Variants in RAB12 observed in about 807,000 individuals in gnomAD.
RAB12 encodes RAB12, member RAS oncogene family.
A neutral mutation model predicts 28.4 loss-of-function variants in RAB12; 11 were observed. The observed-to-expected ratio is 0.39, with a 90% CI of 0.24 to 0.64. The LOEUF is 0.64. Among genes scored for constraint, RAB12 ranks in the 30% least tolerant of loss-of-function variants. RAB12 has a pLI of 0.50. For synonymous variants in RAB12, 138 were observed against 145.3 expected (o/e 0.95, Z 0.36); for missense variants, 276 against 351.1 (o/e 0.79, Z 1.71).
intron 2 of RAB12, among the ~76,000 whole-genome samples, chr18:8,629,473 A>G (rs2096014687): frequency 6.6e-6 from 1 of 152,126 alleles, no homozygotes. Context: ...CTGATGTGGC[A>G]TCAACTTTCT....
At chr18:8,626,551 TGCCTCCCTGGA>T (rs1049960502) in intron 2 of RAB12, among the ~76,000 whole-genome samples, 7 of 152,236 alleles carry the variant, frequency 4.6e-5, no homozygotes, top group African/African-American at 7.2e-5. Flanking sequence ...AATGTCCTGG[TGCCTCCCTGGA>T]GCTCTGCCCA....
intron 1 of RAB12, 77 bp downstream of exon 1, chr18:8,610,030 C>T (rs766896123): frequency 8.8e-7 from 1 of 1,135,048 alleles, no homozygotes; most frequent in Non-Finnish European, 1.3e-6. Flanking sequence ...GGCTTCGAGT[C>T]TCATCGAGCC....
At chr18:8,628,667 G>A (rs1369732929) in intron 2 of RAB12, among the ~76,000 whole-genome samples, 1 of 152,202 alleles carries the variant, frequency 6.6e-6, no homozygotes, top group East Asian at 1.9e-4. Context: ...CTTAAAGTCA[G>A]TAGAGGCAGC....
intron 1 of RAB12, among the ~76,000 whole-genome samples, chr18:8,619,156 A>G (rs1300017672): frequency 1.3e-5 from 2 of 152,206 alleles, no homozygotes; most frequent in African/African-American, 2.4e-5. Flanking sequence ...AAATTCTTCA[A>G]CTTCTTGAAA....
At chr18:8,627,241 A>G (rs1379563467) in intron 2 of RAB12, among the ~76,000 whole-genome samples, 1 of 152,218 alleles carries the variant, frequency 6.6e-6, no homozygotes, top group Non-Finnish European at 1.5e-5. Context: ...CATTGAGGGC[A>G]TAGAAGGCGC....
intron 5 of RAB12, among the ~76,000 whole-genome samples, chr18:8,637,574 C>CT (rs970959365): frequency 1.3e-5 from 2 of 151,940 alleles, no homozygotes; most frequent in Middle Eastern, 3.4e-3. Flanking sequence ...AATAATAATA[C>CT]TTTTTTTTAT....
At chr18:8,616,066 T>C (rs1452169367) in intron 1 of RAB12, among the ~76,000 whole-genome samples, 1 of 152,166 alleles carries the variant, frequency 6.6e-6, no homozygotes, top group East Asian at 1.9e-4. Flanking sequence ...TAGTTTGAAT[T>C]TGTAAAGAAA....
chr18:8,625,625 AT>A (rs1209530516), intron 2 of RAB12, among the ~76,000 whole-genome samples: 5 of 152,202 alleles, frequency 3.3e-5, no homozygotes, highest in Non-Finnish European at 5.9e-5. Flanking sequence ...TCTGTTAGCT[AT>A]TAACCTGTTA....
intron 1 of RAB12, among the ~76,000 whole-genome samples, chr18:8,617,856 T>C (rs569675253): frequency 6.6e-6 from 1 of 152,272 alleles, no homozygotes; most frequent in African/African-American, 2.4e-5. Flanking sequence ...TTTTTTCATC[T>C]ATAAAATATA....
At chr18:8,624,865 C>T in intron 1 of RAB12, 73 bp from the exon 2 acceptor site, 3 of 973,810 alleles carry the variant, frequency 3.1e-6, no homozygotes, top group African/African-American at 1.6e-5. Flanking sequence ...ACAAAATACA[C>T]AAATAGGATT....
intron 1 of RAB12, among the ~76,000 whole-genome samples, chr18:8,621,602 T>G (rs2096009901): frequency 6.6e-6 from 1 of 152,212 alleles, no homozygotes; most frequent in African/African-American, 2.4e-5. Flanking sequence ...ATTCTTTTTT[T>G]CTTTTGTTTT....
intron 2 of RAB12, among the ~76,000 whole-genome samples, chr18:8,628,962 T>G (rs2096014413): frequency 6.6e-6 from 1 of 152,230 alleles, no homozygotes; most frequent in African/African-American, 2.4e-5. Context: ...CCTAAAATGC[T>G]TATTGAAGAC....
intron 1 of RAB12, among the ~76,000 whole-genome samples, chr18:8,615,101 T>A (rs2096006028): frequency 6.6e-6 from 1 of 152,144 alleles, no homozygotes; most frequent in Admixed American, 6.5e-5. Flanking sequence ...CTGAGACTGC[T>A]TACGCTGGGG....
chr18:8,620,996 A>G (rs1214142453), intron 1 of RAB12, among the ~76,000 whole-genome samples: 1 of 152,082 alleles, frequency 6.6e-6, no homozygotes, highest in African/African-American at 2.4e-5. Context: ...TTAGGTCAGT[A>G]TGACTGAGGT....
chr18:8,612,435 C>G (rs2148705481), intron 1 of RAB12, among the ~76,000 whole-genome samples: 1 of 152,320 alleles, frequency 6.6e-6, no homozygotes, highest in East Asian at 1.9e-4. Flanking sequence ...TTTCTAGTTT[C>G]ATCTTCATGT....
intron 1 of RAB12, among the ~76,000 whole-genome samples, chr18:8,617,095 A>G (rs1311017073): frequency 2.0e-5 from 3 of 152,200 alleles, no homozygotes; most frequent in Non-Finnish European, 4.4e-5. Context: ...CAGTGTCTTC[A>G]CTTATAGGAA....
intron 2 of RAB12, among the ~76,000 whole-genome samples, chr18:8,626,719 A>G (rs1315712091): frequency 1.3e-5 from 2 of 152,104 alleles, no homozygotes; most frequent in Non-Finnish European, 2.9e-5. Context: ...GCACTCAGAA[A>G]CCATTTTTCT....
intron 2 of RAB12, among the ~76,000 whole-genome samples, chr18:8,626,338 A>G (rs1197966614): frequency 6.6e-6 from 1 of 152,158 alleles, no homozygotes; most frequent in Non-Finnish European, 1.5e-5. Context: ...TGTTCCTAGT[A>G]CCTGTGTGAG....
chr18:8,630,661 G>A (rs1294134201), intron 2 of RAB12, among the ~76,000 whole-genome samples: 1 of 152,136 alleles, frequency 6.6e-6, no homozygotes, highest in African/African-American at 2.4e-5. Flanking sequence ...GAGAAACAGG[G>A]CTCAGCTGGC....
Sources: gnomAD v4.1 joint callset for allele counts (sites outside exome capture counted in the v4.1 genomes callset) on GRCh38, gnomAD v4.1.1 for gene constraint, MANE v1.5 for transcripts, NCBI Gene and HGNC (gene_info 2026-07-23, HGNC 2026-07-21) for gene names.